Variants in SKAP1 observed in about 807,000 individuals in gnomAD.
SKAP1 encodes src kinase associated phosphoprotein 1.
In SKAP1, 44 loss-of-function variants were observed where a neutral mutation model predicts 58.5. The observed-to-expected ratio is 0.75, with a 90% CI of 0.59 to 0.97. The LOEUF (loss-of-function observed/expected upper bound fraction) is 0.97, where lower values mean the gene tolerates loss of function less well. Ranked by LOEUF, SKAP1 falls within the 50% of genes least tolerant of loss-of-function variation. The pLI, the probability that SKAP1 is intolerant of heterozygous loss-of-function variation, is 0.00. For synonymous variants in SKAP1, 127 were observed against 149.7 expected (o/e 0.85, Z 1.11); for missense variants, 390 against 435.2 (o/e 0.90, Z 0.92).
chr17:48,251,585 G>A (rs530021647), intron 4 of SKAP1, among the ~76,000 whole-genome samples: 1 of 152,222 alleles, frequency 6.6e-6, no homozygotes, highest in African/African-American at 2.4e-5. Flanking sequence ...GTCCATCTTG[G>A]GGCAAAAGAT....
intron 10 of SKAP1, among the ~76,000 whole-genome samples, chr17:48,169,877 A>T (rs966410267): frequency 6.6e-6 from 1 of 152,172 alleles, no homozygotes; most frequent in African/African-American, 2.4e-5. Flanking sequence ...TATCTAAATC[A>T]GTCATGATTA....
the SKAP1 span, among the ~76,000 whole-genome samples, chr17:48,442,235 T>C: frequency 6.6e-6 from 1 of 152,130 alleles, no homozygotes. Flanking sequence ...GTCAATTACA[T>C]AACAGCTCCT....
intron 3 of SKAP1, among the ~76,000 whole-genome samples, chr17:48,347,715 A>T (rs2066741002): frequency 6.6e-6 from 1 of 152,236 alleles, no homozygotes; most frequent in African/African-American, 2.4e-5. Flanking sequence ...TGCTTAAAGC[A>T]TCACTGTGTA....
intron 4 of SKAP1, among the ~76,000 whole-genome samples, chr17:48,201,384 T>C (rs1040362366): frequency 6.6e-6 from 1 of 151,342 alleles, no homozygotes; most frequent in African/African-American, 2.4e-5. Flanking sequence ...CTTTCCTCTC[T>C]CTCTCTTTCT....
intron 4 of SKAP1, among the ~76,000 whole-genome samples, chr17:48,190,283 G>A (rs1033960878): frequency 6.6e-6 from 1 of 150,750 alleles, no homozygotes; most frequent in South Asian, 2.1e-4. Context: ...ATTTTTTTTT[G>A]TTGTATTTTT....
intron 4 of SKAP1, among the ~76,000 whole-genome samples, chr17:48,241,151 A>G (rs927849377): frequency 1.3e-5 from 2 of 152,040 alleles, no homozygotes; most frequent in Admixed American, 1.3e-4. Flanking sequence ...GGGAGGCTAT[A>G]GTGTGAAAAG....
chr17:48,133,661 A>T lies in SKAP1; in HGVS notation c.*163T>A, dbSNP rs1310265907. On this transcript the variant is annotated 3_prime_UTR_variant, in exon 13 of 13. Coordinates refer to ENST00000336915, the MANE Select transcript of SKAP1 (RefSeq NM_003726.4). ...GAACGTGCCTCTTCCCACTTGTCTT[A>T]CTGGTAGCTTACAGTCACTCTGAGG... 6.6e-6 allele frequency: 1 copy of T among 152,406 alleles called. No homozygotes were observed. Among genetic ancestry groups the T allele is most frequent in the Non-Finnish European group, 1.5e-5 (1 of 68,050 alleles). The allele number at this position is 152,406 out of a possible 1,614,324, so 9.4% of individuals were successfully genotyped here. A position where few individuals can be genotyped will look rare whatever the true frequency, so the allele number is the denominator to read the frequency against.
At chr17:48,261,829 AC>A (rs1333578056) in intron 4 of SKAP1, among the ~76,000 whole-genome samples, 2 of 150,840 alleles carry the variant, frequency 1.3e-5, no homozygotes, top group Admixed American at 1.3e-4. Flanking sequence ...GGGGGAAAAA[AC>A]CATACACACA....
chr17:48,171,025 T>C (rs1339365009), intron 9 of SKAP1, among the ~76,000 whole-genome samples: 1 of 151,470 alleles, frequency 6.6e-6, no homozygotes, highest in East Asian at 1.9e-4. Flanking sequence ...TCATGTTCCT[T>C]ATACGGAAAG....
chr17:48,158,884 C>T (rs1197527742), intron 11 of SKAP1, among the ~76,000 whole-genome samples: 1 of 151,864 alleles, frequency 6.6e-6, no homozygotes, highest in Non-Finnish European at 1.5e-5. Flanking sequence ...GGCGTGAACC[C>T]CAGGGGGCGG....
chr17:48,202,604 T>C (rs1415448848), intron 4 of SKAP1, among the ~76,000 whole-genome samples: 1 of 152,108 alleles, frequency 6.6e-6, no homozygotes, highest in Non-Finnish European at 1.5e-5. Flanking sequence ...CTCAAGCAAG[T>C]TTGAAGTCAA....
rs546561073 is a variant in SKAP1, at chr17:48,199,854, T to G, written c.281-10354A>C. Reference sequence around the variant, plus strand: ...AGATGACACCATGGAAGAAATTAAGTGAACAGAACGTTATAGTACCTGGAT... The same window carrying G: ...AGATGACACCATGGAAGAAATTAAGGGAACAGAACGTTATAGTACCTGGAT... On this transcript the variant is annotated intron_variant, in intron 4 of 12. Coordinates refer to ENST00000336915, the MANE Select transcript of SKAP1 (RefSeq NM_003726.4). Among the ~76,000 whole-genome samples the G allele has an allele frequency of 2.0e-5, 3 of 152,210 alleles. No individual in the cohort carries two copies. In the East Asian group the frequency reaches 5.8e-4, roughly 29 times the overall value.
At chr17:48,389,533 C>G (rs2067319863) in intron 2 of SKAP1, among the ~76,000 whole-genome samples, 1 of 152,180 alleles carries the variant, frequency 6.6e-6, no homozygotes, top group Non-Finnish European at 1.5e-5. Flanking sequence ...AAACTAAAAC[C>G]CTAAGATATC....
intron 11 of SKAP1, among the ~76,000 whole-genome samples, chr17:48,152,426 A>C (rs553127520): frequency 6.6e-6 from 1 of 152,178 alleles, no homozygotes; most frequent in South Asian, 2.1e-4. Flanking sequence ...ACTCCTTTTA[A>C]ATAGGGCATC....
At chr17:48,346,105 T>C in intron 3 of SKAP1, 99 bp from the exon 4 acceptor site, 2 of 612,372 alleles carry the variant, frequency 3.3e-6, no homozygotes, top group Non-Finnish European at 5.3e-6. Flanking sequence ...TCTTCCAGTA[T>C]TCGAAAAAAA....
chr17:48,149,562 G>A (rs2063873686), intron 11 of SKAP1, among the ~76,000 whole-genome samples: 1 of 152,170 alleles, frequency 6.6e-6, no homozygotes, highest in Non-Finnish European at 1.5e-5. Context: ...GCGTTTCCAT[G>A]ACAACCGCTT....
intron 3 of SKAP1, among the ~76,000 whole-genome samples, chr17:48,360,982 A>G (rs2066928176): frequency 6.6e-6 from 1 of 152,092 alleles, no homozygotes. Context: ...CTCTGGAGAT[A>G]ATGGGCTCTA....
chr17:48,197,531 A>G (rs1481470860), intron 4 of SKAP1, among the ~76,000 whole-genome samples: 1 of 152,148 alleles, frequency 6.6e-6, no homozygotes, highest in African/African-American at 2.4e-5. Flanking sequence ...TCTACCAAAA[A>G]CAAAAAAATT....
chr17:48,409,858 G>T (rs1405441589), intron 1 of SKAP1, among the ~76,000 whole-genome samples: 1 of 152,144 alleles, frequency 6.6e-6, no homozygotes, highest in Non-Finnish European at 1.5e-5. Context: ...CACAGAGTGA[G>T]CCTTAATGCC....
Sources: allele counts gnomAD v4.1 joint callset (sites outside exome capture counted in the v4.1 genomes callset), GRCh38; gene constraint gnomAD v4.1.1; transcripts MANE v1.5; gene names NCBI Gene and HGNC (gene_info 2026-07-23, HGNC 2026-07-21).